Variants in NAV3 observed in about 807,000 individuals in gnomAD.
The protein encoded by NAV3 is neuron navigator 3.
Under a neutral mutation model 244.7 loss-of-function variants are expected in NAV3, and 87 were observed. That is an observed-to-expected ratio of 0.36 (90% CI 0.30 to 0.42). The LOEUF (loss-of-function observed/expected upper bound fraction) is 0.42, where lower values mean the gene tolerates loss of function less well. Among genes scored for constraint, NAV3 ranks in the 20% least tolerant of loss-of-function variants. NAV3 has a pLI of 1.00. For synonymous variants in NAV3, 1,126 were observed against 1,042.2 expected (o/e 1.08, Z -1.55); for missense variants, 2,663 against 2,893.3 (o/e 0.92, Z 1.83).
At chr12:77,714,598 T>C (rs1004177718) in intron 2 of NAV3, among the ~76,000 whole-genome samples, 2 of 152,180 alleles carry the variant, frequency 1.3e-5, no homozygotes, top group African/African-American at 4.8e-5. Flanking sequence ...ATGTGCCCAT[T>C]AAATATTGAA....
At chr12:77,577,419 C>A (rs1200666279) in intron 2 of NAV3, among the ~76,000 whole-genome samples, 3 of 152,160 alleles carry the variant, frequency 2.0e-5, no homozygotes, top group Non-Finnish European at 2.9e-5. Flanking sequence ...TTGCACCTGG[C>A]AGCACACATT....
At chr12:77,646,311 A>G (rs1399402077) in intron 2 of NAV3, among the ~76,000 whole-genome samples, 1 of 152,164 alleles carries the variant, frequency 6.6e-6, no homozygotes, top group East Asian at 1.9e-4. Context: ...TTAGGTGAAA[A>G]GAGTGAAACC....
intron 2 of NAV3, among the ~76,000 whole-genome samples, chr12:77,664,286 C>G (rs928498242): frequency 1.3e-5 from 2 of 152,108 alleles, no homozygotes; most frequent in Non-Finnish European, 2.9e-5. Flanking sequence ...ACTTATATAT[C>G]AGAACAGTTT....
At chr12:77,872,518 A>T (rs548286915) in intron 1 of NAV3, among the ~76,000 whole-genome samples, 67 of 152,296 alleles carry the variant, frequency 4.4e-4, no homozygotes, top group Admixed American at 8.5e-4. Flanking sequence ...GGTCTTGGGC[A>T]GGAGACTTTA....
intron 34 of NAV3, among the ~76,000 whole-genome samples, chr12:78,192,359 G>A (rs951518600): frequency 2.6e-5 from 4 of 151,722 alleles, no homozygotes; most frequent in Non-Finnish European, 5.9e-5. Context: ...AACAGTCATA[G>A]GAAGAAACTG....
At chr12:77,936,086 A>G (rs577047859) in intron 1 of NAV3, among the ~76,000 whole-genome samples, 11 of 152,300 alleles carry the variant, frequency 7.2e-5, no homozygotes, top group Admixed American at 2.0e-4. Flanking sequence ...AATTTAGAGA[A>G]AAGAAATGTT....
chr12:77,703,381 A>G (rs1246074269), intron 2 of NAV3, among the ~76,000 whole-genome samples: 1 of 152,128 alleles, frequency 6.6e-6, no homozygotes, highest in Non-Finnish European at 1.5e-5. Flanking sequence ...ATTGAGTGGT[A>G]TTCCATTGTA....
intron 2 of NAV3, among the ~76,000 whole-genome samples, chr12:77,701,688 C>T (rs1875570998): frequency 6.6e-6 from 1 of 151,860 alleles, no homozygotes; most frequent in Admixed American, 6.6e-5. Context: ...TTTTCATTAT[C>T]CTTGAGTTCA....
intron 1 of NAV3, among the ~76,000 whole-genome samples, chr12:77,888,024 G>GTTTTTTTT (rs1555223631): frequency 1.3e-5 from 2 of 148,466 alleles, no homozygotes; most frequent in Admixed American, 6.7e-5. Context: ...AAGTTGTTGA[G>GTTTTTTTT]TTTTTTTTTT....
At chr12:78,090,837 T>C (rs1953887833) in intron 12 of NAV3, among the ~76,000 whole-genome samples, 1 of 151,660 alleles carries the variant, frequency 6.6e-6, no homozygotes, top group Admixed American at 6.6e-5. Flanking sequence ...GATGTGAAAA[T>C]TCCGTAACAG....
chr12:78,096,464 C>T (rs1328127586), intron 12 of NAV3, among the ~76,000 whole-genome samples: 1 of 152,104 alleles, frequency 6.6e-6, no homozygotes, highest in Non-Finnish European at 1.5e-5. Flanking sequence ...TAAAGACATA[C>T]CTGAGACTGA....
intron 2 of NAV3, among the ~76,000 whole-genome samples, chr12:77,667,352 A>G (rs1275998658): frequency 6.6e-6 from 1 of 152,106 alleles, no homozygotes; most frequent in Non-Finnish European, 1.5e-5. Context: ...GGTCTGGGGC[A>G]AGTTCTCAGC....
chr12:78,183,523 C>G (rs1958585689), intron 30 of NAV3, among the ~76,000 whole-genome samples: 1 of 151,916 alleles, frequency 6.6e-6, no homozygotes. Context: ...TAGTAAGCAG[C>G]AGAACTAATA....
At position 78,200,843 on chromosome 12, in the gene NAV3, A is replaced by T. The variant is rs1959591243; in HGVS notation, c.6834+252A>T. Among the ~76,000 whole-genome samples, 3 of 152,006 alleles carry T rather than the reference A, an allele frequency of 2.0e-5. No homozygotes were observed. The South Asian group carries it at 6.2e-4, about 31-fold the overall frequency. On this transcript the variant is annotated intron_variant, in intron 38 of 39. Coordinates refer to ENST00000397909, the MANE Select transcript of NAV3 (RefSeq NM_001024383.2). ...ATTTAAGTCCAAATGGTTGTCATGG[A>T]TGTTTACAGGTTGTTTTTATTAGAC...
intron 33 of NAV3, among the ~76,000 whole-genome samples, 175 bp from the exon 34 acceptor site, chr12:78,189,809 T>C (rs1327341671): frequency 1.3e-5 from 2 of 151,938 alleles, no homozygotes; most frequent in African/African-American, 2.4e-5. Flanking sequence ...ATATTACTGA[T>C]ATATTTTCTT....
intron 2 of NAV3, among the ~76,000 whole-genome samples, chr12:77,632,239 A>T (rs1308229857): frequency 2.6e-5 from 4 of 152,152 alleles, no homozygotes; most frequent in African/African-American, 4.8e-5. Context: ...CATGCTTTTG[A>T]TGTTCTTTGT....
intron 2 of NAV3, among the ~76,000 whole-genome samples, chr12:77,766,734 A>ATTTTTTT (rs1565805085): frequency 3.7e-5 from 2 of 53,344 alleles, no homozygotes; most frequent in African/African-American, 1.0e-4. Flanking sequence ...CAGGCAATTA[A>ATTTTTTT]GTTTTTTTTT....
In NAV3 at chr12:78,064,465, G is replaced by GCC. The variant is rs57199640; in HGVS notation, c.2636+5350_2636+5351insCC. Among the ~76,000 whole-genome samples, 977 of 151,536 alleles carry GCC rather than the reference G, an allele frequency of 6.4e-3. 10 individuals are homozygous for GCC. The highest frequency in any genetic ancestry group is 0.022 in the African/African-American group (922 of 41,102). On this transcript the variant is annotated intron_variant, in intron 12 of 39. Transcript: ENST00000397909. ...TGCCTGCCTGCCTGCCTGCCTGCCT[G>GCC]TCTGTCTATATAGAGAGAGGTCTTT...
At chr12:77,582,384 A>C (rs12317386) in intron 2 of NAV3, among the ~76,000 whole-genome samples, 3,767 of 152,302 alleles carry the variant, frequency 0.025, 157 homozygotes, top group African/African-American at 0.085. Context: ...GGTGTGAAAA[A>C]TAGTCCAGAT....
Sources: allele counts gnomAD v4.1 joint callset (sites outside exome capture counted in the v4.1 genomes callset), GRCh38; gene constraint gnomAD v4.1.1; transcripts MANE v1.5; gene names NCBI Gene and HGNC (gene_info 2026-07-23, HGNC 2026-07-21).